The following CCDC186 variants were observed in gnomAD, a reference collection of about 807,000 sequenced individuals.
The protein encoded by CCDC186 is coiled-coil domain-containing protein 186.
In CCDC186, 49 loss-of-function variants were observed where a neutral mutation model predicts 113.7. The ratio of observed to expected loss-of-function variants is 0.43; its 90% CI spans 0.34 to 0.55. The LOEUF is 0.55. Ranked by LOEUF, CCDC186 falls within the 20% of genes least tolerant of loss-of-function variation. CCDC186 has a pLI of 0.02. For synonymous variants in CCDC186, 355 were observed against 345.8 expected, an observed-to-expected ratio of 1.03 and a Z score of -0.30; for missense variants, 890 against 1,011.1, an observed-to-expected ratio of 0.88 and a Z score of 1.62.
At chr10:114,135,094 C>T in intron 9 of CCDC186, 39 bp from the exon 10 acceptor site, 1 of 1,559,204 alleles carries the variant, frequency 6.4e-7, no homozygotes, top group South Asian at 1.2e-5. Context: ...ACCATGTATT[C>T]TTGTTCTTTA....
rs376292095 is a variant in CCDC186 at position 114,125,873 on chromosome 10, G to A, written c.2613+13C>T. Reference sequence around the variant, plus strand: ...TGTTTACTGGTTGGTGTGTGAATGAGAAACACAAATACCTTCAAAGTAATA... The same window carrying A: ...TGTTTACTGGTTGGTGTGTGAATGAAAAACACAAATACCTTCAAAGTAATA... On this transcript the variant is annotated intron_variant, in intron 15 of 15. Coordinates refer to ENST00000369287, the MANE Select transcript of CCDC186 (RefSeq NM_018017.4). 31 of 1,608,248 alleles carry A rather than the reference G, an allele frequency of 1.9e-5. No homozygotes were observed. The highest frequency in any genetic ancestry group is 2.3e-5 in the Non-Finnish European group (27 of 1,175,090).
chr10:114,126,438 C>G (rs1421833688), intron 14 of CCDC186, among the ~76,000 whole-genome samples: 2 of 152,208 alleles, frequency 1.3e-5, no homozygotes, highest in Non-Finnish European at 2.9e-5. Context: ...CTCGCTGCAG[C>G]CTCCACTGCA....
At chr10:114,173,911 T>C (rs1215120387) in intron 1 of CCDC186, 104 bp downstream of exon 1, 5 of 411,398 alleles carry the variant, frequency 1.2e-5, no homozygotes, top group Non-Finnish European at 2.5e-5. Context: ...GCACTCGCCC[T>C]CGCCCCCGCC....
intron 3 of CCDC186, among the ~76,000 whole-genome samples, chr10:114,153,809 CAG>C (rs1275257414): frequency 3.4e-5 from 5 of 146,612 alleles, no homozygotes; most frequent in Admixed American, 6.8e-5. Flanking sequence ...AAAAAGAAGA[CAG>C]GGTATCAAAT....
chr10:114,154,888 C>G (rs1429127244), intron 3 of CCDC186, among the ~76,000 whole-genome samples: 1 of 152,140 alleles, frequency 6.6e-6, no homozygotes, highest in Non-Finnish European at 1.5e-5. Context: ...TAATGAACTA[C>G]TATTCAATCA....
intron 6 of CCDC186, among the ~76,000 whole-genome samples, chr10:114,143,005 G>A (rs562536720): frequency 6.6e-6 from 1 of 152,152 alleles, no homozygotes; most frequent in Non-Finnish European, 1.5e-5. Context: ...GTCTCCTAAG[G>A]CTTTTATAGC....
At chr10:114,139,390 C>T (rs969624880) in intron 6 of CCDC186, among the ~76,000 whole-genome samples, 2 of 151,894 alleles carry the variant, frequency 1.3e-5, no homozygotes, top group African/African-American at 4.8e-5. Context: ...TGGCAAAACC[C>T]AGTCTCTACT....
In CCDC186 at chr10:114,162,962, T is replaced by C. The variant is rs766599230; in HGVS notation, c.307A>G (p.Lys103Glu). 3.7e-6 allele frequency: 6 copies of C among 1,613,534 alleles called. No individual in the cohort carries two copies. The East Asian group carries it at 8.9e-5, about 24-fold the overall frequency. ...IANFPSGNFA[K>E]HISKTNETEQ... ...GTTTCATTTGTTTTTGAAATATGTT[T>C]AGCAAAATTTCCACTAGGAAAATTA... Residue 103 changes from lysine (K) to glutamate (E), a missense_variant, in exon 2 of 16, where the codon AAA becomes GAA. Physicochemically the swap from Lys to Glu is moderately conservative, Grantham distance 56. Coordinates refer to ENST00000369287, the MANE Select transcript of CCDC186 (RefSeq NM_018017.4).
chr10:114,123,698 G>A lies in CCDC186; in HGVS notation c.*1445C>T, dbSNP rs1325219264. The A allele has an allele frequency of 6.6e-6, 1 of 152,156 alleles. No homozygotes were observed. The highest frequency in any genetic ancestry group is 2.4e-5 in the African/African-American group (1 of 41,430). 9.4% of individuals were successfully genotyped at this position (152,156 alleles called of 1,614,324 possible). On this transcript the variant is annotated 3_prime_UTR_variant, in exon 16 of 16. Transcript: ENST00000369287. The stretch of plus-strand genomic sequence containing the variant: ...TTGTAAGTGAGAAATAATAAGGGGT[G>A]AGAAAAAATTCAATGACAGAAATAT...
chr10:114,156,739 A>C (rs2032022280), intron 3 of CCDC186, among the ~76,000 whole-genome samples: 1 of 152,208 alleles, frequency 6.6e-6, no homozygotes, highest in African/African-American at 2.4e-5. Flanking sequence ...AAGAAAAAAC[A>C]AAAAATAAAT....
In CCDC186 at chr10:114,135,887, T is replaced by A; in HGVS notation, c.1512+4A>T. ...TCTGGATTCATGACTAAAGACTGAA[T>A]TACCTTTGTTCTCAGTGTTCTTAAC... is the stretch of plus-strand genomic sequence containing the variant. On this transcript the variant is annotated splice_donor_region_variant and intron_variant, in intron 9 of 15. Transcript: ENST00000369287. The A allele has an allele frequency of 6.3e-7, 1 of 1,594,928 alleles. No homozygotes were observed.
intron 4 of CCDC186, among the ~76,000 whole-genome samples, chr10:114,149,666 AAAGGAGGG>A (rs1564912764): frequency 1.6e-5 from 1 of 63,442 alleles, no homozygotes; most frequent in Non-Finnish European, 3.1e-5. Context: ...GGAAGGAAGG[AAAGGAGGG>A]AAGGAGGGAG....
At position 114,173,995 on chromosome 10, in the gene CCDC186, A is replaced by C. The variant is rs2032620574; in HGVS notation, c.-62+20T>G. ...CACCGCGACTCACCGGTGTGCCCCG[A>C]GTACCCCTCAGACACTTACCCCACT... On this transcript the variant is annotated intron_variant, in intron 1 of 15. Coordinates refer to ENST00000369287, the MANE Select transcript of CCDC186 (RefSeq NM_018017.4). 2.1e-6 allele frequency: 1 copy of C among 468,990 alleles called. No individual in the cohort carries two copies. The highest frequency in any genetic ancestry group is 1.5e-5 in the South Asian group (1 of 64,534). The allele number at this position is 468,990 out of a possible 1,614,324, so 29.1% of individuals were successfully genotyped here.
intron 6 of CCDC186, among the ~76,000 whole-genome samples, chr10:114,138,242 AAAAAC>A (rs550818343): frequency 0.017 from 2,392 of 144,300 alleles, 50 homozygotes; most frequent in African/African-American, 0.036. Context: ...TTTGTCACAA[AAAAAC>A]AAAACAAAAC....
In CCDC186 at chr10:114,162,805, CTCTT is replaced by C. The variant is rs2032217747; in HGVS notation, c.460_463del (p.Lys154AlafsTer12). 1 of 1,613,674 alleles carries C rather than the reference CTCTT, an allele frequency of 6.2e-7. No individual in the cohort carries two copies. The highest frequency in any genetic ancestry group is 1.7e-5 in the Admixed American group (1 of 59,952). On this transcript the variant is annotated frameshift_variant, in exon 2 of 16. Coordinates refer to ENST00000369287, the MANE Select transcript of CCDC186 (RefSeq NM_018017.4). LOFTEE classifies it high-confidence loss of function. ...CAACAAATCCTCTGATGCTGAAACG[CTCTT>C]TATTTTTGAAATAAATTTCTTGGTG...
chr10:114,151,297 AAAGT>A, intron 3 of CCDC186, 77 bp from the exon 4 acceptor site: 1 of 1,067,332 alleles, frequency 9.4e-7, no homozygotes, highest in Non-Finnish European at 1.3e-6. Flanking sequence ...AAATATAAAC[AAAGT>A]AAATAAACAT....
chr10:114,162,914 A>G lies in CCDC186; in HGVS notation c.355T>C (p.Leu119=). The change falls in exon 2 of 16, where the codon TTG becomes CTG. Residue 119 remains leucine, a synonymous_variant. Transcript: ENST00000369287. Reference sequence around the variant, plus strand: ...AATGTAGATGACCTTAATTCCACCAATATTTGTGTTACTTTCTGTTCTGTT... The same window carrying G: ...AATGTAGATGACCTTAATTCCACCAGTATTTGTGTTACTTTCTGTTCTGTT... ...NETEQKVTQI[L]VELRSSTFPE... 7 of 1,613,652 alleles carry G rather than the reference A, an allele frequency of 4.3e-6. No individual in the cohort carries two copies. The highest frequency in any genetic ancestry group is 4.5e-5 in the East Asian group (2 of 44,862).
intron 10 of CCDC186, among the ~76,000 whole-genome samples, 176 bp from the exon 11 acceptor site, chr10:114,132,360 A>C (rs1293492408): frequency 1.3e-5 from 2 of 152,242 alleles, no homozygotes; most frequent in Non-Finnish European, 2.9e-5. Context: ...AAAGTGAGCA[A>C]GACCAACATG....
intron 1 of CCDC186, among the ~76,000 whole-genome samples, chr10:114,171,519 C>T (rs2032494491): frequency 6.6e-6 from 1 of 152,082 alleles, no homozygotes; most frequent in South Asian, 2.1e-4. Flanking sequence ...CCACTATACT[C>T]CAGCCTGGGT....
Sources: gnomAD v4.1 joint callset for allele counts (sites outside exome capture counted in the v4.1 genomes callset) on GRCh38, gnomAD v4.1.1 for gene constraint, MANE v1.5 for transcripts, NCBI Gene and HGNC (gene_info 2026-07-23, HGNC 2026-07-21) for gene names.